DDI2: variants seen among roughly 807,000 people sequenced by gnomAD.
The protein encoded by DDI2 is DDI proteasomal shuttling factor 2, also known as protein DDI1 homolog 2.
A neutral mutation model predicts 48.1 loss-of-function variants in DDI2; 5 were observed. The observed-to-expected ratio is 0.10, with a 90% CI of 0.05 to 0.22. The LOEUF is 0.22. Ranked by LOEUF, DDI2 falls within the 10% of genes least tolerant of loss-of-function variation. The probability of loss-of-function intolerance (pLI) is 1.00; values close to 1 mark genes in which losing one functional copy is unlikely to be tolerated. For synonymous variants in DDI2, 205 were observed against 183.6 expected (o/e 1.12, Z -0.94); for missense variants, 285 against 506.2 (o/e 0.56, Z 4.19).
rs142980050 is a variant in DDI2, at chr1:15,661,214, T to A, written c.*1424T>A. The A allele has an allele frequency of 4.5e-4, 722 of 1,614,198 alleles. 3 individuals carry two copies. Among genetic ancestry groups the A allele is most frequent in the Admixed American group, 4.0e-4 (24 of 60,024 alleles). On this transcript the variant is annotated 3_prime_UTR_variant, in exon 10 of 10. Coordinates refer to ENST00000480945, the MANE Select transcript of DDI2 (RefSeq NM_032341.5). ...GTAGAAAATGTAAACTTCAGGAGTC[T>A]AGGTGATGGCCTGTCAACCGATAAG... is the stretch of plus-strand genomic sequence containing the variant.
intron 1 of DDI2, among the ~76,000 whole-genome samples, chr1:15,624,117 C>T (rs980611045): frequency 1.3e-5 from 2 of 152,170 alleles, no homozygotes; most frequent in African/African-American, 4.8e-5. Flanking sequence ...GTTCATGTAT[C>T]TCTAAATATA....
intron 9 of DDI2, among the ~76,000 whole-genome samples, chr1:15,658,063 T>C (rs1260618246): frequency 1.3e-5 from 2 of 152,262 alleles, no homozygotes; most frequent in East Asian, 3.8e-4. Context: ...TAACATTTAG[T>C]ACTGAGCATT....
intron 7 of DDI2, among the ~76,000 whole-genome samples, chr1:15,650,617 A>G (rs368352193): frequency 6.6e-6 from 1 of 152,148 alleles, no homozygotes; most frequent in Non-Finnish European, 1.5e-5. Context: ...GCGTGGTGGT[A>G]CATTAGCTAC....
At chr1:15,635,718 G>A (rs964291211) in intron 4 of DDI2, among the ~76,000 whole-genome samples, 1 of 152,214 alleles carries the variant, frequency 6.6e-6, no homozygotes, top group Middle Eastern at 3.4e-3. Context: ...TCCATTCTTT[G>A]AAAGGTGAAA....
At chr1:15,619,084 TTTAAATAGAGAA>T (rs1264266008) in intron 1 of DDI2, among the ~76,000 whole-genome samples, 1 of 152,226 alleles carries the variant, frequency 6.6e-6, no homozygotes, top group South Asian at 2.1e-4. Flanking sequence ...GAAAGGACTG[TTTAAATAGAGAA>T]AATAAACTCT....
At chr1:15,619,351 C>G (rs1639618925) in intron 1 of DDI2, among the ~76,000 whole-genome samples, 1 of 152,026 alleles carries the variant, frequency 6.6e-6, no homozygotes. Flanking sequence ...ATTTCAAACT[C>G]CTGACCTCTA....
Position 15,666,644 on chromosome 1 carries a change from C to G in DDI2, c.*6854C>G, listed in dbSNP as rs1640456432. On this transcript the variant is annotated 3_prime_UTR_variant, in exon 10 of 10. Transcript: ENST00000480945. ...TTCCTTGCTACTTTGATTCATTCAT[C>G]AAATACTGAGTGCCTGTGTGCCAGG... 2 of 152,160 alleles carry G rather than the reference C, an allele frequency of 1.3e-5. No homozygotes were observed. The highest frequency in any genetic ancestry group is 2.4e-5 in the African/African-American group (1 of 41,442). 9.4% of individuals were successfully genotyped at this position (152,160 alleles called of 1,614,324 possible). A position where few individuals can be genotyped will look rare whatever the true frequency, so the allele number is the denominator to read the frequency against.
intron 9 of DDI2, 48 bp downstream of exon 9, chr1:15,656,727 A>T: frequency 6.2e-7 from 1 of 1,610,866 alleles, no homozygotes; most frequent in Non-Finnish European, 8.5e-7. Flanking sequence ...GTCATCTGTG[A>T]TCTGACAGTC....
At chr1:15,651,092 A>G (rs1640173964) in intron 7 of DDI2, among the ~76,000 whole-genome samples, 1 of 152,032 alleles carries the variant, frequency 6.6e-6, no homozygotes, top group Non-Finnish European at 1.5e-5. Flanking sequence ...TGACCTCGTG[A>G]TCCGCCCGCC....
At position 15,655,364 on chromosome 1, in the gene DDI2, G is replaced by A. The variant is rs77515522; in HGVS notation, c.1184-1253G>A. On this transcript the variant is annotated intron_variant, in intron 8 of 9. Transcript: ENST00000480945. ...CCAAGCATGGTGGCTCATGCCTGTG[G>A]TCCCAACACTTTGGGAGGCTGAGGT... Among the ~76,000 whole-genome samples, 10 of 152,100 alleles carry A rather than the reference G, an allele frequency of 6.6e-5. No homozygotes were observed. The East Asian group carries it at 1.9e-3, about 29-fold the overall frequency.
At position 15,653,254 on chromosome 1, in the gene DDI2, TTTTATTTTATTTTA is replaced by T. The variant is rs1383842006; in HGVS notation, c.1183+1377_1183+1390del. Among the ~76,000 whole-genome samples the T allele has an allele frequency of 8.5e-4, 126 of 149,106 alleles. 1 individual carries two copies. Among genetic ancestry groups the T allele is most frequent in the African/African-American group, 2.9e-3 (118 of 40,728 alleles). On this transcript the variant is annotated intron_variant, in intron 8 of 9. Coordinates refer to ENST00000480945, the MANE Select transcript of DDI2 (RefSeq NM_032341.5). ...TATTTCTTTCCTTTTCTTAGGACTGTTTTATTTTATTTTATTTATTTTATTTTATTTTATTTATA... is the reference window on the plus strand; with the variant it reads ...TATTTCTTTCCTTTTCTTAGGACTGTTTTATTTTATTTTATTTTATTTATA...
At position 15,638,446 on chromosome 1, in the gene DDI2, G is replaced by C; in HGVS notation, c.760+12G>C. On this transcript the variant is annotated intron_variant, in intron 5 of 9. Coordinates refer to ENST00000480945, the MANE Select transcript of DDI2 (RefSeq NM_032341.5). ...CTTTGTTGACTCAGGTGACGTCTCT[G>C]TCTTTTATTTCTTGGTCTCCCCTCC... is the stretch of plus-strand genomic sequence containing the variant. The C allele has an allele frequency of 6.2e-7, 1 of 1,605,322 alleles. No homozygotes were observed. The highest frequency in any genetic ancestry group is 8.5e-7 in the Non-Finnish European group (1 of 1,175,104).
intron 1 of DDI2, 95 bp downstream of exon 1, chr1:15,617,903 G>C: frequency 7.2e-7 from 1 of 1,381,420 alleles, no homozygotes; most frequent in Non-Finnish European, 9.4e-7. Flanking sequence ...AGAATTGGGG[G>C]CTGGGGGGAG....
chr1:15,656,566 T>C (rs755704735), intron 8 of DDI2, 51 bp from the exon 9 acceptor site: 1 of 1,614,136 alleles, frequency 6.2e-7, no homozygotes, highest in Non-Finnish European at 8.5e-7. Flanking sequence ...GCATGCTGTG[T>C]GGTTTGCATT....
intron 1 of DDI2, among the ~76,000 whole-genome samples, chr1:15,623,619 C>T (rs1639705864): frequency 6.7e-6 from 1 of 149,838 alleles, no homozygotes; most frequent in South Asian, 2.1e-4. Flanking sequence ...CCCAGGCTGG[C>T]TTTGCATTCC....
intron 5 of DDI2, among the ~76,000 whole-genome samples, chr1:15,641,125 G>A (rs1408551985): frequency 6.6e-6 from 1 of 152,174 alleles, no homozygotes; most frequent in Non-Finnish European, 1.5e-5. Flanking sequence ...AATCTCATAA[G>A]GAGTGGAAAC....
chr1:15,648,461 C>T (rs1409335330), intron 6 of DDI2, among the ~76,000 whole-genome samples: 1 of 152,142 alleles, frequency 6.6e-6, no homozygotes, highest in Non-Finnish European at 1.5e-5. Flanking sequence ...CATCAAAATC[C>T]TGGTAGATTT....
At chr1:15,630,188 GAGAA>G in intron 2 of DDI2, 133 bp from the exon 3 acceptor site, 1 of 781,678 alleles carries the variant, frequency 1.3e-6, no homozygotes, top group Non-Finnish European at 2.1e-6. Flanking sequence ...GAGTCATCAT[GAGAA>G]AGAACAAGGT....
At chr1:15,647,008 T>C (rs1640102411) in intron 6 of DDI2, among the ~76,000 whole-genome samples, 1 of 152,210 alleles carries the variant, frequency 6.6e-6, no homozygotes, top group South Asian at 2.1e-4. Context: ...TTTAAAATTT[T>C]ATATTCTGCT....
Sources: allele counts gnomAD v4.1 joint callset (sites outside exome capture counted in the v4.1 genomes callset), GRCh38; gene constraint gnomAD v4.1.1; transcripts MANE v1.5; gene names NCBI Gene and HGNC (gene_info 2026-07-23, HGNC 2026-07-21).